The following CPA6 variants were observed in gnomAD, a reference collection of about 807,000 sequenced individuals.
CPA6 encodes carboxypeptidase A6.
Under a neutral mutation model 63.3 loss-of-function variants are expected in CPA6, and 58 were observed. The observed-to-expected ratio is 0.92, with a 90% confidence interval of 0.74 to 1.14. The LOEUF (loss-of-function observed/expected upper bound fraction) is 1.14, where lower values mean the gene tolerates loss of function less well. CPA6 is among the 50% of genes most tolerant of loss of function. The probability of loss-of-function intolerance (pLI) is 0.00; values close to 1 mark genes in which losing one functional copy is unlikely to be tolerated. For synonymous variants in CPA6, 185 were observed against 179.0 expected (o/e 1.03, Z -0.27); for missense variants, 565 against 526.6 (o/e 1.07, Z -0.71).
At chr8:67,467,784 C>T (rs189502290) in intron 8 of CPA6, among the ~76,000 whole-genome samples, 6 of 151,416 alleles carry the variant, frequency 4.0e-5, no homozygotes, top group Admixed American at 3.3e-4. Flanking sequence ...GGGCAAATCA[C>T]TTGAGGTCAA....
intron 1 of CPA6, among the ~76,000 whole-genome samples, chr8:67,709,051 T>C (rs1013395466): frequency 2.0e-5 from 3 of 152,188 alleles, no homozygotes; most frequent in African/African-American, 7.2e-5. Flanking sequence ...TGCTCAAGCA[T>C]GCACGCTAAG....
At chr8:67,437,358 G>A (rs1810185477) in intron 8 of CPA6, among the ~76,000 whole-genome samples, 1 of 152,104 alleles carries the variant, frequency 6.6e-6, no homozygotes, top group Non-Finnish European at 1.5e-5. Context: ...TTGCGCCACC[G>A]CACTCCAGCC....
intron 8 of CPA6, among the ~76,000 whole-genome samples, chr8:67,472,067 G>A (rs1405839990): frequency 6.6e-6 from 1 of 152,186 alleles, no homozygotes; most frequent in Non-Finnish European, 1.5e-5. Flanking sequence ...AAAAAACACT[G>A]AAAAGTGGCC....
At chr8:67,656,078 G>A (rs1387583724) in intron 1 of CPA6, among the ~76,000 whole-genome samples, 1 of 152,004 alleles carries the variant, frequency 6.6e-6, no homozygotes, top group African/African-American at 2.4e-5. Flanking sequence ...ACAAGGGCAG[G>A]CAATTGGAGA....
At chr8:67,424,107 C>A (rs949906194) in intron 10 of CPA6, among the ~76,000 whole-genome samples, 1 of 152,102 alleles carries the variant, frequency 6.6e-6, no homozygotes, top group South Asian at 2.1e-4. Flanking sequence ...GAATCTTATG[C>A]CTGATGATCT....
chr8:67,611,484 A>G (rs1288225344), intron 2 of CPA6, among the ~76,000 whole-genome samples: 1 of 152,150 alleles, frequency 6.6e-6, no homozygotes, highest in Non-Finnish European at 1.5e-5. Context: ...ACATTACTTT[A>G]TCTTGTTAAT....
At chr8:67,624,441 A>C (rs149223639) in intron 1 of CPA6, among the ~76,000 whole-genome samples, 190 bp from the exon 2 acceptor site, 1 of 152,216 alleles carries the variant, frequency 6.6e-6, no homozygotes, top group Non-Finnish European at 1.5e-5. Context: ...TCTTAAAGCT[A>C]TTTGGTGTTT....
chr8:67,649,989 A>G (rs1348110034), intron 1 of CPA6, among the ~76,000 whole-genome samples: 2 of 152,170 alleles, frequency 1.3e-5, no homozygotes, highest in Non-Finnish European at 2.9e-5. Context: ...GAGACTCAGG[A>G]AGTCAGATTG....
chr8:67,745,421 G>T (rs78192529), intron 1 of CPA6, among the ~76,000 whole-genome samples: 5,802 of 152,062 alleles, frequency 0.038, 260 homozygotes, highest in African/African-American at 0.1. Context: ...TACGGAGGGG[G>T]GACAAAACTG....
At chr8:67,486,822 T>C (rs1268458960) in intron 6 of CPA6, among the ~76,000 whole-genome samples, 1 of 152,148 alleles carries the variant, frequency 6.6e-6, no homozygotes, top group African/African-American at 2.4e-5. Flanking sequence ...CCTTGTTTTC[T>C]ATTTTATTGA....
chr8:67,615,370 G>T (rs1814919249), intron 2 of CPA6, among the ~76,000 whole-genome samples: 1 of 152,136 alleles, frequency 6.6e-6, no homozygotes. Flanking sequence ...AAGGAACTTT[G>T]TCTATTCCTG....
rs151119622 is a variant in CPA6 at position 67,511,647 on chromosome 8, A to G, written c.326T>C (p.Ile109Thr). 6.0e-5 allele frequency: 96 copies of G among 1,594,260 alleles called. 1 individual carries two copies. The African/African-American group carries it at 7.9e-4, about 13-fold the overall frequency. Residue 109 changes from isoleucine to threonine, a missense_variant, in exon 4 of 11, where the codon ATA becomes ACA. Ile to Thr is a moderately conservative substitution (Grantham distance 89). Transcript: ENST00000297770. ...CTCCAGTGTTTTCTGAAGATCTTCT[A>G]TGAGGACCCTGAATTTGGAATGACA... ...QEANIQYKVL[I>T]EDLQKTLEKG...
intron 1 of CPA6, among the ~76,000 whole-genome samples, chr8:67,689,114 G>A (rs1816764880): frequency 6.6e-6 from 1 of 151,960 alleles, no homozygotes; most frequent in South Asian, 2.1e-4. Flanking sequence ...GCTCCTCTGT[G>A]TAGCATTTCG....
At chr8:67,489,437 G>T (rs750030270) in intron 6 of CPA6, among the ~76,000 whole-genome samples, 15 of 152,140 alleles carry the variant, frequency 9.9e-5, no homozygotes, top group Non-Finnish European at 1.6e-4. Flanking sequence ...TTATCATTCA[G>T]TTCTAAATAC....
intron 1 of CPA6, among the ~76,000 whole-genome samples, chr8:67,731,287 C>CA (rs1358244317): frequency 1.3e-5 from 2 of 152,214 alleles, no homozygotes; most frequent in Admixed American, 1.3e-4. Context: ...AAGATAGTGG[C>CA]AAGTCCTTTG....
At chr8:67,517,354 C>T (rs1226823158) in intron 3 of CPA6, among the ~76,000 whole-genome samples, 2 of 152,108 alleles carry the variant, frequency 1.3e-5, no homozygotes, top group Non-Finnish European at 2.9e-5. Flanking sequence ...GTTTCCTATC[C>T]CCTTCACCCC....
chr8:67,592,594 C>A (rs1219958765), intron 2 of CPA6, among the ~76,000 whole-genome samples: 1 of 151,742 alleles, frequency 6.6e-6, no homozygotes, highest in Non-Finnish European at 1.5e-5. Flanking sequence ...AGAGATTCAA[C>A]TTCTTCCTGG....
intron 2 of CPA6, among the ~76,000 whole-genome samples, chr8:67,584,052 G>C (rs1813853035): frequency 1.3e-5 from 2 of 152,184 alleles, no homozygotes; most frequent in South Asian, 4.1e-4. Context: ...CAGCTACTTG[G>C]GAGACTGAGG....
intron 6 of CPA6, among the ~76,000 whole-genome samples, chr8:67,506,030 C>T (rs1344774741): frequency 2.0e-5 from 3 of 151,712 alleles, no homozygotes; most frequent in Non-Finnish European, 4.4e-5. Flanking sequence ...TTTCCCACCC[C>T]TCAACTGCCA....
Sources: gnomAD v4.1 joint callset for allele counts (sites outside exome capture counted in the v4.1 genomes callset) on GRCh38, gnomAD v4.1.1 for gene constraint, MANE v1.5 for transcripts, NCBI Gene and HGNC (gene_info 2026-07-23, HGNC 2026-07-21) for gene names.